PPM1L: variants seen among roughly 807,000 people sequenced by gnomAD.
The protein encoded by PPM1L is protein phosphatase, Mg2+/Mn2+ dependent 1L, also known as protein phosphatase 1L.
A neutral mutation model predicts 31.4 loss-of-function variants in PPM1L; 13 were observed. That is an observed-to-expected ratio of 0.41 (90% CI 0.27 to 0.66). The LOEUF (loss-of-function observed/expected upper bound fraction) is 0.66, where lower values mean the gene tolerates loss of function less well. PPM1L is among the 30% of genes least tolerant of loss of function. The pLI is 0.29. For missense variants in PPM1L, 326 were observed against 453.7 expected, an observed-to-expected ratio of 0.72 and a Z score of 2.56; for synonymous variants, 184 against 175.4, an observed-to-expected ratio of 1.05 and a Z score of -0.39.
intron 1 of PPM1L, among the ~76,000 whole-genome samples, chr3:160,867,460 T>C (rs367750675): frequency 6.6e-6 from 1 of 152,058 alleles, no homozygotes. Context: ...TATACTGTTA[T>C]GGTGTTACTA....
intron 2 of PPM1L, among the ~76,000 whole-genome samples, chr3:161,002,398 C>A: frequency 6.6e-6 from 1 of 152,136 alleles, no homozygotes; most frequent in East Asian, 1.9e-4. Context: ...ATCTAGATCC[C>A]TGAGGAATTG....
intron 1 of PPM1L, among the ~76,000 whole-genome samples, chr3:160,956,411 C>T (rs1044393063): frequency 2.6e-5 from 4 of 152,320 alleles, no homozygotes; most frequent in Admixed American, 2.0e-4. Flanking sequence ...TAAGATTTCT[C>T]TTCAGCCATT....
intron 1 of PPM1L, among the ~76,000 whole-genome samples, chr3:160,927,808 G>A (rs1245750101): frequency 6.6e-6 from 1 of 152,182 alleles, no homozygotes; most frequent in African/African-American, 2.4e-5. Flanking sequence ...CAGTTGCTAT[G>A]TGGTTTAGTG....
chr3:160,903,166 TGTG>T (rs1713606985), intron 1 of PPM1L, among the ~76,000 whole-genome samples: 1 of 110,756 alleles, frequency 9.0e-6, no homozygotes, highest in Admixed American at 9.8e-5. Flanking sequence ...GAAGCAATAG[TGTG>T]TGTGTGTGTG....
chr3:161,051,947 G>A lies in PPM1L; in HGVS notation c.575-13456G>A, dbSNP rs555045790. 2.0e-5 allele frequency among the ~76,000 whole-genome samples: 3 copies of A among 152,156 alleles called. No homozygotes were observed. In the South Asian group the frequency reaches 6.2e-4, roughly 32 times the overall value. On this transcript the variant is annotated intron_variant, in intron 2 of 3. Coordinates refer to ENST00000498165, the MANE Select transcript of PPM1L (RefSeq NM_139245.4). ...CCAAATTGACCTTATGTTTTTGTCC[G>A]CCTTTTCCCCAGGGGCGATCTAAGT...
intron 1 of PPM1L, among the ~76,000 whole-genome samples, chr3:160,850,884 T>TG (rs397991501): frequency 0.33 from 44,976 of 137,074 alleles, 7,779 homozygotes; most frequent in Non-Finnish European, 0.41. Flanking sequence ...TTTTTTTTGG[T>TG]GGGGGGGGGG....
At position 161,076,365 on chromosome 3, in the gene PPM1L, C is replaced by T. The variant is rs1720097995; in HGVS notation, c.*7208C>T. 1 of 152,156 alleles carries T rather than the reference C, an allele frequency of 6.6e-6. No individual in the cohort carries two copies. The highest frequency in any genetic ancestry group is 2.1e-4 in the South Asian group (1 of 4,830). 9.4% of individuals were successfully genotyped at this position (152,156 alleles called of 1,614,324 possible). On this transcript the variant is annotated 3_prime_UTR_variant, in exon 4 of 4. Coordinates refer to ENST00000498165, the MANE Select transcript of PPM1L (RefSeq NM_139245.4). ...AGAATACTCCTCTGATTTAGGCTCC[C>T]AGACTACAACTAACAGTCTTTATGT... is the stretch of plus-strand genomic sequence containing the variant.
intron 1 of PPM1L, among the ~76,000 whole-genome samples, chr3:160,846,964 G>T (rs1248526495): frequency 6.6e-6 from 1 of 152,018 alleles, no homozygotes; most frequent in Non-Finnish European, 1.5e-5. Context: ...TATGATATAA[G>T]AGGTCAAAAA....
At chr3:160,923,109 C>T (rs1714468830) in intron 1 of PPM1L, among the ~76,000 whole-genome samples, 1 of 152,102 alleles carries the variant, frequency 6.6e-6, no homozygotes, top group Non-Finnish European at 1.5e-5. Flanking sequence ...TAAGAATGAC[C>T]TCATGGAACA....
intron 1 of PPM1L, among the ~76,000 whole-genome samples, chr3:160,845,437 TG>T (rs1714046386): frequency 6.6e-6 from 1 of 152,030 alleles, no homozygotes; most frequent in African/African-American, 2.4e-5. Context: ...TTCCATTCTT[TG>T]GGTTGTGTTT....
At chr3:160,911,942 C>T (rs992161897) in intron 1 of PPM1L, among the ~76,000 whole-genome samples, 3 of 152,104 alleles carry the variant, frequency 2.0e-5, no homozygotes, top group Non-Finnish European at 4.4e-5. Flanking sequence ...TAGTTTGTAT[C>T]TCTGCATTCA....
chr3:160,990,265 G>T (rs1224970891), intron 2 of PPM1L, among the ~76,000 whole-genome samples: 2 of 151,878 alleles, frequency 1.3e-5, no homozygotes, highest in African/African-American at 4.8e-5. Flanking sequence ...GCCTCCCAAA[G>T]TGCTGGGATT....
At chr3:160,777,127 A>G (rs1711578709) in intron 1 of PPM1L, among the ~76,000 whole-genome samples, 1 of 151,988 alleles carries the variant, frequency 6.6e-6, no homozygotes, top group African/African-American at 2.4e-5. Flanking sequence ...GTTCAAGACC[A>G]GCCTGGGCAA....
chr3:160,879,046 A>G (rs910536919), intron 1 of PPM1L, among the ~76,000 whole-genome samples: 5 of 152,206 alleles, frequency 3.3e-5, no homozygotes, highest in Non-Finnish European at 7.3e-5. Context: ...CCTTGTGTGC[A>G]AGGAGAAACA....
chr3:160,958,407 A>G (rs1282991619), intron 1 of PPM1L, among the ~76,000 whole-genome samples: 2 of 152,228 alleles, frequency 1.3e-5, no homozygotes, highest in Admixed American at 6.5e-5. Flanking sequence ...TGTGCTTTCA[A>G]TAATATAGAG....
chr3:160,903,208 TTGTGTGTG>T (rs59232471), intron 1 of PPM1L, among the ~76,000 whole-genome samples: 2,205 of 120,032 alleles, frequency 0.018, 55 homozygotes, highest in East Asian at 0.087. Flanking sequence ...GTGTGTATGT[TTGTGTGTG>T]TGTGTGTGTG....
intron 2 of PPM1L, among the ~76,000 whole-genome samples, chr3:161,021,844 GT>G (rs757946171): frequency 3.3e-5 from 5 of 151,264 alleles, no homozygotes; most frequent in African/African-American, 4.9e-5. Flanking sequence ...TTCTCTTCTG[GT>G]TTTTTTTATA....
intron 1 of PPM1L, among the ~76,000 whole-genome samples, chr3:160,900,179 T>A (rs1383858284): frequency 1.3e-5 from 2 of 152,126 alleles, no homozygotes; most frequent in Admixed American, 1.3e-4. Flanking sequence ...AACAGATAAA[T>A]TGTTGCCCAC....
At position 160,903,391 on chromosome 3, in the gene PPM1L, A is replaced by G. The variant is rs143460965; in HGVS notation, c.400-58345A>G. Among the ~76,000 whole-genome samples, 1,344 of 152,154 alleles carry G rather than the reference A, an allele frequency of 8.8e-3. 22 individuals carry two copies. Among genetic ancestry groups the G allele is most frequent in the African/African-American group, 0.031 (1,285 of 41,516 alleles). On this transcript the variant is annotated intron_variant, in intron 1 of 3. Transcript: ENST00000498165. ...ATTCCTTCTTCCCTAGGAAAACTCA[A>G]TTTTTGCTGTTAATGTCTCCAACTG...
Sources: allele counts gnomAD v4.1 joint callset (sites outside exome capture counted in the v4.1 genomes callset), GRCh38; gene constraint gnomAD v4.1.1; transcripts MANE v1.5; gene names NCBI Gene and HGNC (gene_info 2026-07-23, HGNC 2026-07-21).